The following MAP4K5 variants were observed in gnomAD, a reference collection of about 807,000 sequenced individuals.
The protein encoded by MAP4K5 is MAPK/ERK kinase kinase kinase 5.
A neutral mutation model predicts 135.6 loss-of-function variants in MAP4K5; 82 were observed. That is an observed-to-expected ratio of 0.60 (90% CI 0.51 to 0.73). The LOEUF (loss-of-function observed/expected upper bound fraction) is 0.73, where lower values mean the gene tolerates loss of function less well. Ranked by LOEUF, MAP4K5 falls within the 30% of genes least tolerant of loss-of-function variation. The pLI is 0.00. For missense variants in MAP4K5, 907 were observed against 1,010.9 expected (o/e 0.90, Z 1.39); for synonymous variants, 347 against 335.0 (o/e 1.04, Z -0.39).
At chr14:50,475,228 C>T (rs2037069052) in intron 8 of MAP4K5, 79 bp from the exon 9 acceptor site, 14 of 1,000,110 alleles carry the variant, frequency 1.4e-5, no homozygotes, top group Non-Finnish European at 2.0e-5. Context: ...TTAGGCATGG[C>T]AGTATTAATA....
intron 2 of MAP4K5, among the ~76,000 whole-genome samples, chr14:50,513,817 C>T (rs1295107015): frequency 6.6e-6 from 1 of 152,136 alleles, no homozygotes; most frequent in Non-Finnish European, 1.5e-5. Context: ...TATAACATAA[C>T]ATCAGAAAAT....
intron 2 of MAP4K5, among the ~76,000 whole-genome samples, chr14:50,517,372 G>A (rs1477637287): frequency 1.2e-4 from 18 of 151,716 alleles, no homozygotes; most frequent in African/African-American, 1.9e-4. Flanking sequence ...GGCTGGTCTC[G>A]AACTCCTGAC....
At chr14:50,544,950 A>T (rs929016108) in intron 1 of MAP4K5, among the ~76,000 whole-genome samples, 1 of 151,126 alleles carries the variant, frequency 6.6e-6, no homozygotes, top group Non-Finnish European at 1.5e-5. Flanking sequence ...AAAAAAAAAA[A>T]AAAAAAAAAA....
At chr14:50,502,275 A>C (rs1199233293) in intron 3 of MAP4K5, among the ~76,000 whole-genome samples, 1 of 152,208 alleles carries the variant, frequency 6.6e-6, no homozygotes, top group African/African-American at 2.4e-5. Flanking sequence ...TACAATGTGA[A>C]AGTCTGGGCC....
intron 1 of MAP4K5, among the ~76,000 whole-genome samples, chr14:50,543,971 C>G (rs1181842419): frequency 2.0e-5 from 3 of 152,126 alleles, no homozygotes; most frequent in African/African-American, 7.2e-5. Context: ...CTTCAGATCA[C>G]TAAATCAACA....
chr14:50,554,807 G>T (rs988535781), intron 1 of MAP4K5, among the ~76,000 whole-genome samples: 1 of 152,092 alleles, frequency 6.6e-6, no homozygotes, highest in Non-Finnish European at 1.5e-5. Flanking sequence ...TCATCCACTC[G>T]CTGGGCTGGA....
At chr14:50,423,051 C>T in intron 32 of MAP4K5, 70 bp downstream of exon 32, 1 of 675,358 alleles carries the variant, frequency 1.5e-6, no homozygotes. Context: ...CAATTACAGA[C>T]TGACAGTATA....
intron 30 of MAP4K5, among the ~76,000 whole-genome samples, chr14:50,426,376 G>A (rs1297718913): frequency 6.6e-6 from 1 of 152,070 alleles, no homozygotes; most frequent in Non-Finnish European, 1.5e-5. Context: ...TTCAGAAGTA[G>A]CTTTAAACAA....
chr14:50,520,872 G>T (rs2038135859), intron 2 of MAP4K5, among the ~76,000 whole-genome samples: 1 of 148,744 alleles, frequency 6.7e-6, no homozygotes. Flanking sequence ...GCCCAGGCTG[G>T]AGTGCAGTGG....
At chr14:50,490,266 C>T (rs10132531) in intron 3 of MAP4K5, among the ~76,000 whole-genome samples, 1 of 151,758 alleles carries the variant, frequency 6.6e-6, no homozygotes, top group South Asian at 2.1e-4. Flanking sequence ...GTATCTGAGA[C>T]AGTAGACACT....
At chr14:50,504,995 G>A (rs2037779963) in intron 2 of MAP4K5, 138 bp from the exon 3 acceptor site, 1 of 538,304 alleles carries the variant, frequency 1.9e-6, no homozygotes, top group African/African-American at 2.0e-5. Flanking sequence ...ATAAAATGCT[G>A]AGCAAACTCA....
At chr14:50,539,307 A>G (rs886521893) in intron 2 of MAP4K5, among the ~76,000 whole-genome samples, 1 of 152,254 alleles carries the variant, frequency 6.6e-6, no homozygotes, top group African/African-American at 2.4e-5. Context: ...AGTGAGGTTT[A>G]CTAAAATTAT....
chr14:50,446,062 A>G lies in MAP4K5; in HGVS notation c.1185+17T>C. 2.0e-6 allele frequency: 3 copies of G among 1,506,114 alleles called. No homozygotes were observed. Among genetic ancestry groups the G allele is most frequent in the South Asian group, 1.4e-5 (1 of 73,656 alleles). The allele number at this position is 1,506,114 out of a possible 1,614,324, so 93.3% of individuals were successfully genotyped here. The stretch of plus-strand genomic sequence containing the variant: ...TTTAAATAAGGATTTAGTGTTCAAA[A>G]TCATTAAGTAGCTCACCTTAGGAGG... On this transcript the variant is annotated intron_variant, in intron 17 of 32. Coordinates refer to ENST00000682126, the MANE Select transcript of MAP4K5 (RefSeq NM_006575.6).
intron 6 of MAP4K5, among the ~76,000 whole-genome samples, chr14:50,477,286 T>G (rs1313947960): frequency 6.6e-6 from 1 of 152,222 alleles, no homozygotes; most frequent in Non-Finnish European, 1.5e-5. Flanking sequence ...GTTGCTAGTA[T>G]ATATAAATCT....
At chr14:50,460,146 G>A (rs768119198) in intron 13 of MAP4K5, among the ~76,000 whole-genome samples, 11 of 152,054 alleles carry the variant, frequency 7.2e-5, no homozygotes, top group Non-Finnish European at 1.3e-4. Flanking sequence ...CAGCTTAAAT[G>A]TCACTTCTAC....
Position 50,423,173 on chromosome 14 carries a change from TA to T in MAP4K5, c.2400del (p.Thr801ProfsTer14). The T allele has an allele frequency of 6.5e-7, 1 of 1,535,066 alleles. No individual in the cohort carries two copies. The highest frequency in any genetic ancestry group is 9.0e-7 in the Non-Finnish European group (1 of 1,114,716). Reference protein sequence around the residue: ...MQGKSFKSDEVTQEISDETRV... With the variant: ...MQGKSFKSDEXTQEISDETRV... The stretch of plus-strand genomic sequence containing the variant: ...CTTGTTTCATCTGAAATCTCCTGGG[TA>T]ACCTAGGAAAGAAAAATACCTATCA... On this transcript the variant is annotated frameshift_variant and splice_region_variant, in exon 32 of 33. Coordinates refer to ENST00000682126, the MANE Select transcript of MAP4K5 (RefSeq NM_006575.6). LOFTEE classifies it high-confidence loss of function.
intron 2 of MAP4K5, among the ~76,000 whole-genome samples, chr14:50,511,967 T>C (rs1424584002): frequency 3.3e-5 from 5 of 152,080 alleles, no homozygotes; most frequent in Admixed American, 1.3e-4. Flanking sequence ...ATGGTAATGA[T>C]AGACACATCT....
upstream of MAP4K5, chr14:50,533,014 C>G (rs2038439143): frequency 6.6e-6 from 1 of 152,554 alleles, no homozygotes; most frequent in Non-Finnish European, 1.5e-5. Flanking sequence ...TGGGGGAGTG[C>G]CAGGTTAACT....
chr14:50,441,741 TATACACACACACACACACAC>T (rs1318578895), intron 21 of MAP4K5, among the ~76,000 whole-genome samples: 1 of 101,308 alleles, frequency 9.9e-6, no homozygotes, highest in Non-Finnish European at 2.0e-5. Context: ...AAAATTATTT[TATACACACACACACACACAC>T]ACACACACAC....
Sources: allele counts gnomAD v4.1 joint callset (sites outside exome capture counted in the v4.1 genomes callset), GRCh38; gene constraint gnomAD v4.1.1; transcripts MANE v1.5; gene names NCBI Gene and HGNC (gene_info 2026-07-23, HGNC 2026-07-21).